LDHB: variants seen among roughly 807,000 people sequenced by gnomAD.
LDHB encodes lactate dehydrogenase B, also known as L-lactate dehydrogenase B chain.
A neutral mutation model predicts 33.4 loss-of-function variants in LDHB; 18 were observed. The observed-to-expected ratio is 0.54, with a 90% CI of 0.37 to 0.80. The LOEUF (loss-of-function observed/expected upper bound fraction) is 0.80, where lower values mean the gene tolerates loss of function less well. Among genes scored for constraint, LDHB ranks in the 30% least tolerant of loss-of-function variants. The pLI, the probability that LDHB is intolerant of heterozygous loss-of-function variation, is 0.00. For missense variants in LDHB, 345 were observed against 407.9 expected (o/e 0.85, Z 1.33); for synonymous variants, 121 against 140.6 (o/e 0.86, Z 0.98).
chr12:21,651,859 A>AT (rs890282837), intron 2 of LDHB, among the ~76,000 whole-genome samples: 6 of 152,308 alleles, frequency 3.9e-5, no homozygotes, highest in Admixed American at 2.6e-4. Context: ...TCCTGCATTT[A>AT]TTTTTTCAAA....
chr12:21,657,563 C>A (rs984180618), intron 1 of LDHB, 188 bp downstream of exon 1: 3 of 152,930 alleles, frequency 2.0e-5, no homozygotes, highest in Non-Finnish European at 2.9e-5. Flanking sequence ...TCCGCCAGGG[C>A]ACGGCCCCCC....
intron 2 of LDHB, among the ~76,000 whole-genome samples, chr12:21,652,202 C>G (rs1295426792): frequency 3.3e-5 from 5 of 152,194 alleles, no homozygotes; most frequent in Admixed American, 6.5e-5. Context: ...TAAGAAAAAT[C>G]TCTAGCTAGT....
chr12:21,642,093 T>G lies in LDHB; in HGVS notation c.454A>C (p.Ser152Arg). The G allele has an allele frequency of 1.9e-6, 3 of 1,613,482 alleles. No homozygotes were observed. The South Asian group carries it at 3.3e-5, about 18-fold the overall frequency. Residue 152 changes from serine (S) to arginine (R), a missense_variant, in exon 5 of 8, where the codon AGT (serine) becomes CGT (arginine). By Grantham distance (110) the Ser-to-Arg change is moderately radical (BLOSUM62 -1). Coordinates refer to ENST00000350669, the MANE Select transcript of LDHB (RefSeq NM_002300.8). The part of the protein sequence containing the change: ...DILTYVTWKL[S>R]GLPKHRVIGS... ...ATCACGCGGTGTTTGGGTAATCCACTTAGTTTCCAGGTAACATACGTAAGA... is the reference window on the plus strand; with the variant it reads ...ATCACGCGGTGTTTGGGTAATCCACGTAGTTTCCAGGTAACATACGTAAGA...
intron 2 of LDHB, among the ~76,000 whole-genome samples, chr12:21,652,039 A>G (rs1938703467): frequency 1.3e-5 from 2 of 152,252 alleles, no homozygotes; most frequent in African/African-American, 2.4e-5. Context: ...GAGTTGAGCC[A>G]AAGTGTTATA....
At chr12:21,648,180 T>C (rs929810901) in intron 2 of LDHB, among the ~76,000 whole-genome samples, 21 of 152,186 alleles carry the variant, frequency 1.4e-4, no homozygotes, top group Non-Finnish European at 2.9e-4. Context: ...TCCTTGCTCT[T>C]ACTGTTTTTA....
chr12:21,641,261 G>A (rs1034158467), intron 5 of LDHB, among the ~76,000 whole-genome samples: 1 of 152,150 alleles, frequency 6.6e-6, no homozygotes, highest in Admixed American at 6.5e-5. Flanking sequence ...GTCACCAATT[G>A]TTGGCCACAC....
intron 2 of LDHB, among the ~76,000 whole-genome samples, chr12:21,650,140 A>G (rs1459229998): frequency 6.7e-6 from 1 of 148,610 alleles, no homozygotes; most frequent in Admixed American, 6.8e-5. Context: ...ACACACACAC[A>G]CACACACACA....
chr12:21,651,080 A>AAG (rs1436109670), intron 2 of LDHB, among the ~76,000 whole-genome samples: 1 of 152,220 alleles, frequency 6.6e-6, no homozygotes, highest in South Asian at 2.1e-4. Context: ...ATGCAAGCAA[A>AAG]AGAGTTTAAG....
chr12:21,637,033 C>T (rs1389788525), intron 7 of LDHB, 38 bp downstream of exon 7: 2 of 1,504,868 alleles, frequency 1.3e-6, no homozygotes, highest in African/African-American at 2.7e-5. Context: ...GAATACAATG[C>T]GAGAAATCAT....
intron 1 of LDHB, among the ~76,000 whole-genome samples, chr12:21,656,781 A>AG (rs1938858181): frequency 6.6e-6 from 1 of 152,228 alleles, no homozygotes; most frequent in South Asian, 2.1e-4. Flanking sequence ...GCAGGCTGTA[A>AG]GGAACAAGAA....
At chr12:21,643,351 C>G (rs556762617) in intron 4 of LDHB, among the ~76,000 whole-genome samples, 1 of 152,292 alleles carries the variant, frequency 6.6e-6, no homozygotes, top group South Asian at 2.1e-4. Flanking sequence ...GCTGTTAAGG[C>G]TAAAAAAGTG....
At chr12:21,649,474 T>C (rs1938620912) in intron 2 of LDHB, among the ~76,000 whole-genome samples, 1 of 152,192 alleles carries the variant, frequency 6.6e-6, no homozygotes, top group South Asian at 2.1e-4. Context: ...GAATTTTCCA[T>C]ATATATATTT....
intron 5 of LDHB, among the ~76,000 whole-genome samples, chr12:21,638,835 A>G (rs1041776523): frequency 2.6e-5 from 4 of 151,946 alleles, no homozygotes; most frequent in Non-Finnish European, 5.9e-5. Context: ...TCTCCTCCAT[A>G]TTTTTCTAAT....
intron 1 of LDHB, among the ~76,000 whole-genome samples, chr12:21,655,957 C>A (rs1650317): frequency 6.6e-6 from 1 of 152,208 alleles, no homozygotes; most frequent in East Asian, 1.9e-4. Flanking sequence ...CTTTTCTTCA[C>A]AATTATTACT....
chr12:21,640,174 T>G (rs1938332675), intron 5 of LDHB, among the ~76,000 whole-genome samples: 1 of 151,402 alleles, frequency 6.6e-6, no homozygotes, highest in Admixed American at 6.6e-5. Context: ...GCCATGAGCT[T>G]ATTCAATATA....
At chr12:21,650,911 C>T (rs1938672672) in intron 2 of LDHB, among the ~76,000 whole-genome samples, 1 of 152,144 alleles carries the variant, frequency 6.6e-6, no homozygotes, top group Non-Finnish European at 1.5e-5. Context: ...CTCTGAAGGG[C>T]ATAAGACAAG....
chr12:21,640,945 T>C (rs796201130), intron 5 of LDHB, among the ~76,000 whole-genome samples: 22 of 152,080 alleles, frequency 1.4e-4, no homozygotes, highest in African/African-American at 3.6e-4. Context: ...CGAGGCCACA[T>C]TGATATCAAC....
chr12:21,641,075 C>G (rs1456108422), intron 5 of LDHB, among the ~76,000 whole-genome samples: 1 of 152,088 alleles, frequency 6.6e-6, no homozygotes, highest in Non-Finnish European at 1.5e-5. Flanking sequence ...TATTCAACCA[C>G]AAATCATTAA....
rs1188485581 is a variant in LDHB, at chr12:21,638,625, T to C, written c.596-155A>G. The C allele has an allele frequency of 4.8e-6, 3 of 627,810 alleles. No homozygotes were observed. The African/African-American group carries it at 5.5e-5, about 12-fold the overall frequency. 38.9% of individuals were successfully genotyped at this position (627,810 alleles called of 1,614,324 possible). ...GACTCTCCAGTAGATTCCAGTATAG[T>C]TCCCCAAAAAGGCTGACGTTTGCCT... On this transcript the variant is annotated intron_variant, in intron 5 of 7. Transcript: ENST00000350669.
Sources: allele counts gnomAD v4.1 joint callset (sites outside exome capture counted in the v4.1 genomes callset), GRCh38; gene constraint gnomAD v4.1.1; transcripts MANE v1.5; gene names NCBI Gene and HGNC (gene_info 2026-07-23, HGNC 2026-07-21).